C8orf34: variants seen among roughly 807,000 people sequenced by gnomAD.
The protein encoded by C8orf34 is chromosome 8 open reading frame 34, also known as uncharacterized protein C8orf34.
In C8orf34, 65 loss-of-function variants were observed where a neutral mutation model predicts 68.3. The ratio of observed to expected loss-of-function variants is 0.95; its 90% confidence interval spans 0.78 to 1.17. The LOEUF (loss-of-function observed/expected upper bound fraction) is 1.17. Among genes scored for constraint, C8orf34 ranks in the 50% most tolerant of loss-of-function variants. The pLI, the probability that C8orf34 is intolerant of heterozygous loss-of-function variation, is 0.00. For synonymous variants in C8orf34, 244 were observed against 241.2 expected (o/e 1.01, Z -0.11); for missense variants, 664 against 655.4 (o/e 1.01, Z -0.14).
chr8:68,793,602 G>A (rs1232531554), intron 12 of C8orf34, among the ~76,000 whole-genome samples: 1 of 152,154 alleles, frequency 6.6e-6, no homozygotes, highest in East Asian at 1.9e-4. Context: ...CTTATAAGTG[G>A]GAGCTGAATG....
chr8:68,339,198 G>A (rs1324384722), intron 1 of C8orf34, among the ~76,000 whole-genome samples: 1 of 151,902 alleles, frequency 6.6e-6, no homozygotes, highest in African/African-American at 2.4e-5. Context: ...GTGCTGTTAG[G>A]CAGAATTGAC....
At chr8:68,637,618 C>A (rs1435860553) in intron 7 of C8orf34, among the ~76,000 whole-genome samples, 1 of 152,144 alleles carries the variant, frequency 6.6e-6, no homozygotes, top group Non-Finnish European at 1.5e-5. Context: ...ACATGTGAAT[C>A]TCTATTAATC....
chr8:68,468,611 C>T, intron 3 of C8orf34, 81 bp from the exon 4 acceptor site: 2 of 1,376,270 alleles, frequency 1.5e-6, no homozygotes, highest in Non-Finnish European at 2.0e-6. Flanking sequence ...GATCTTGGTA[C>T]AGTCTTTCAC....
Position 68,434,397 on chromosome 8 carries a change from T to C in C8orf34, c.328-5102T>C, listed in dbSNP as rs371850123. ...ACTCCCACTTATGAGTGAGAACATGTGGTATTTGGTTTTCTGTTCCTGTGT... is the reference window on the plus strand; with the variant it reads ...ACTCCCACTTATGAGTGAGAACATGCGGTATTTGGTTTTCTGTTCCTGTGT... On this transcript the variant is annotated intron_variant, in intron 1 of 13. Transcript: ENST00000518698. 3.7e-4 allele frequency among the ~76,000 whole-genome samples: 57 copies of C among 152,218 alleles called. 2 individuals are homozygous for C. The East Asian group carries it at 4.9e-3, about 13-fold the overall frequency.
intron 4 of C8orf34, among the ~76,000 whole-genome samples, chr8:68,485,282 C>T (rs1440102739): frequency 1.3e-5 from 2 of 152,106 alleles, no homozygotes; most frequent in East Asian, 3.9e-4. Context: ...TGATATATTG[C>T]CACTATCTTT....
At chr8:68,546,897 C>T (rs1187675081) in intron 7 of C8orf34, among the ~76,000 whole-genome samples, 1 of 151,506 alleles carries the variant, frequency 6.6e-6, no homozygotes, top group African/African-American at 2.4e-5. Flanking sequence ...GATAAAAATA[C>T]AACACATAAA....
chr8:68,552,475 C>T (rs946149899), intron 7 of C8orf34, among the ~76,000 whole-genome samples: 2 of 151,738 alleles, frequency 1.3e-5, no homozygotes, highest in Non-Finnish European at 2.9e-5. Flanking sequence ...TCTTAATTTC[C>T]TTTTTGGATT....
intron 3 of C8orf34, among the ~76,000 whole-genome samples, chr8:68,461,002 G>A (rs1811793572): frequency 6.6e-6 from 1 of 152,174 alleles, no homozygotes; most frequent in Non-Finnish European, 1.5e-5. Context: ...CCGAGCTACA[G>A]GAAGAAATTC....
At chr8:68,793,730 T>A (rs1824080213) in intron 12 of C8orf34, among the ~76,000 whole-genome samples, 1 of 152,118 alleles carries the variant, frequency 6.6e-6, no homozygotes, top group Non-Finnish European at 1.5e-5. Context: ...GGTGGGATAA[T>A]CTATGCAGCA....
chr8:68,640,360 G>A lies in C8orf34; in HGVS notation c.1106-16G>A. On this transcript the variant is annotated splice_polypyrimidine_tract_variant and intron_variant, in intron 7 of 13. Transcript: ENST00000518698. ...AGAGTTAATTTTTTTCTCTGTAATT[G>A]TTTGTGTTGTTACAGAGGATCTTAA... 6.2e-7 allele frequency: 1 copy of A among 1,607,578 alleles called. No homozygotes were observed. Among genetic ancestry groups the A allele is most frequent in the South Asian group, 1.1e-5 (1 of 89,688 alleles).
At chr8:68,530,263 A>G (rs1815186656) in intron 6 of C8orf34, among the ~76,000 whole-genome samples, 1 of 152,192 alleles carries the variant, frequency 6.6e-6, no homozygotes, top group South Asian at 2.1e-4. Context: ...AAGCTGCATT[A>G]TGGATAACAA....
At chr8:68,338,815 T>G (rs1407592112) in intron 1 of C8orf34, among the ~76,000 whole-genome samples, 1 of 152,178 alleles carries the variant, frequency 6.6e-6, no homozygotes, top group African/African-American at 2.4e-5. Flanking sequence ...CAATTCTACA[T>G]TTCTGTGAAC....
At chr8:68,564,063 C>T (rs1816513506) in intron 7 of C8orf34, among the ~76,000 whole-genome samples, 7 of 152,274 alleles carry the variant, frequency 4.6e-5, no homozygotes, top group African/African-American at 1.7e-4. Flanking sequence ...ATAGAGTCTG[C>T]ATATCCTTAA....
chr8:68,596,556 G>A (rs1403085891), intron 7 of C8orf34, among the ~76,000 whole-genome samples: 1 of 152,078 alleles, frequency 6.6e-6, no homozygotes, highest in African/African-American at 2.4e-5. Flanking sequence ...TTTACTCACA[G>A]CAACAGCCAT....
intron 7 of C8orf34, among the ~76,000 whole-genome samples, chr8:68,611,169 T>A (rs1468700434): frequency 6.6e-6 from 1 of 152,094 alleles, no homozygotes; most frequent in Non-Finnish European, 1.5e-5. Flanking sequence ...CAGCCTACAG[T>A]GAATCTTAAG....
rs1292444044 is a variant in C8orf34, at chr8:68,359,402, A to G, written c.327+28063A>G. 3.3e-5 allele frequency among the ~76,000 whole-genome samples: 5 copies of G among 152,164 alleles called. No homozygotes were observed. In the East Asian group the frequency reaches 7.7e-4, roughly 23 times the overall value. On this transcript the variant is annotated intron_variant, in intron 1 of 13. Coordinates refer to ENST00000518698, the MANE Select transcript of C8orf34 (RefSeq NM_052958.4). ...TCGAGAGGCCCCTACTGACTCCTAC[A>G]TGGGTACTGTATTTGCATACTAATA...
At chr8:68,612,635 T>C (rs1381250621) in intron 7 of C8orf34, among the ~76,000 whole-genome samples, 1 of 152,204 alleles carries the variant, frequency 6.6e-6, no homozygotes, top group Non-Finnish European at 1.5e-5. Flanking sequence ...ATTAAACATC[T>C]ATCATATGCC....
intron 10 of C8orf34, among the ~76,000 whole-genome samples, chr8:68,767,773 G>A (rs542270728): frequency 6.6e-6 from 1 of 152,254 alleles, no homozygotes; most frequent in East Asian, 1.9e-4. Context: ...CCAAGTAGCT[G>A]GGACTACAGG....
intron 4 of C8orf34, among the ~76,000 whole-genome samples, chr8:68,486,221 A>C (rs1264242481): frequency 6.6e-6 from 1 of 152,098 alleles, no homozygotes; most frequent in African/African-American, 2.4e-5. Flanking sequence ...GCACTCTGAG[A>C]TCTCTTAGTC....
Sources: gnomAD v4.1 joint callset for allele counts (sites outside exome capture counted in the v4.1 genomes callset) on GRCh38, gnomAD v4.1.1 for gene constraint, MANE v1.5 for transcripts, NCBI Gene and HGNC (gene_info 2026-07-23, HGNC 2026-07-21) for gene names.